The following KDM5C variants were observed in gnomAD, a reference collection of about 807,000 sequenced individuals.
KDM5C encodes the protein lysine-specific demethylase 5C.
A neutral mutation model predicts 110.6 loss-of-function variants in KDM5C; 16 were observed. The observed-to-expected ratio is 0.14, with a 90% CI of 0.10 to 0.22. The LOEUF (loss-of-function observed/expected upper bound fraction) is 0.22, where lower values mean the gene tolerates loss of function less well. Ranked by LOEUF, KDM5C falls within the 10% of genes least tolerant of loss-of-function variation. The probability of loss-of-function intolerance (pLI) is 1.00; values close to 1 mark genes in which losing one functional copy is unlikely to be tolerated. For missense variants in KDM5C, 681 were observed against 1,300.9 expected (o/e 0.52, Z 7.33); for synonymous variants, 511 against 520.4 (o/e 0.98, Z 0.24).
chrX:53,201,375 C>T (rs371299845), intron 14 of KDM5C, 175 bp downstream of exon 14: 11 of 481,836 alleles, frequency 2.3e-5, no homozygotes, highest in East Asian at 3.7e-5. Context: ...TGAAGTAAAT[C>T]GACTTAAGGT....
chrX:53,211,688 C>G (rs782530564), intron 9 of KDM5C, 33 bp from the exon 10 acceptor site: 13 of 1,210,424 alleles, frequency 1.1e-5, no homozygotes. Flanking sequence ...TGACTATGGC[C>G]CATCACACCC....
intron 1 of KDM5C, among the ~76,000 whole-genome samples, chrX:53,224,084 AAT>A (rs1556855824): frequency 8.9e-6 from 1 of 112,272 alleles, no homozygotes; most frequent in Non-Finnish European, 1.9e-5. Context: ...GGTATGAGTA[AAT>A]ATGAGTCAAC....
chrX:53,223,192 T>G (rs2073942190), intron 1 of KDM5C, among the ~76,000 whole-genome samples: 1 of 111,290 alleles, frequency 9.0e-6, no homozygotes, highest in Non-Finnish European at 1.9e-5. Flanking sequence ...AAAAAGGAAT[T>G]CAGGCCTCAA....
Position 53,220,864 on chromosome X carries a change from C to T in KDM5C, c.203G>A (p.Arg68Gln), listed in dbSNP as rs1569282235. 8.3e-7 allele frequency: 1 copy of T among 1,210,810 alleles called. No homozygotes were observed. ...VEVDNFRFTP[R>Q]IQRLNELEAQ... Reference sequence around the variant, plus strand: ...CTCTAGCTCATTCAGCCTCTGGATTCGGGGGGTAAACCTGAAGTTGTCCAC... The same window carrying T: ...CTCTAGCTCATTCAGCCTCTGGATTTGGGGGGTAAACCTGAAGTTGTCCAC... The change falls in exon 2 of 26, where the codon CGA becomes CAA. Residue 68 changes from arginine to glutamine, a missense_variant. Arg to Gln is a conservative substitution (Grantham distance 43). Transcript: ENST00000375401.
At chrX:53,182,920 A>C (rs1440114244) in intron 25 of KDM5C, among the ~76,000 whole-genome samples, 4 of 111,756 alleles carry the variant, frequency 3.6e-5, no homozygotes, top group African/African-American at 1.3e-4. Context: ...TGCCACATCC[A>C]AGGTCATGAA....
chrX:53,207,391 T>C lies in KDM5C; in HGVS notation c.1746+3023A>G, dbSNP rs1285120855. On this transcript the variant is annotated intron_variant, in intron 12 of 25. Transcript: ENST00000375401. Reference sequence around the variant, plus strand: ...AAAGCCAACATGCATTTTATACTTTTGGCACATTTCAGTGAGGACTAGCTA... The same window carrying C: ...AAAGCCAACATGCATTTTATACTTTCGGCACATTTCAGTGAGGACTAGCTA... Among the ~76,000 whole-genome samples the C allele has an allele frequency of 3.6e-5, 4 of 111,446 alleles. No individual in the cohort carries two copies. In the Admixed American group the frequency reaches 3.8e-4, roughly 11 times the overall value.
chrX:53,211,969 T>A, intron 8 of KDM5C, 63 bp from the exon 9 acceptor site: 1 of 1,177,143 alleles, frequency 8.5e-7, no homozygotes, highest in Non-Finnish European at 1.2e-6. Flanking sequence ...TCCTCCCAAG[T>A]GGAACTGGAA....
intron 12 of KDM5C, among the ~76,000 whole-genome samples, chrX:53,208,908 C>T (rs782493931): frequency 4.9e-5 from 5 of 103,041 alleles, no homozygotes; most frequent in South Asian, 4.5e-4. Context: ...CTCTGCCTCC[C>T]GGGTTCAAGC....
intron 12 of KDM5C, among the ~76,000 whole-genome samples, chrX:53,207,678 G>C (rs1556846301): frequency 8.9e-6 from 1 of 111,912 alleles, no homozygotes; most frequent in Non-Finnish European, 1.9e-5. Flanking sequence ...CCCGGGCGCG[G>C]TGGCTCACGC....
Position 53,194,128 on chromosome X carries a change from G to A in KDM5C, c.4038+11C>T. 1 of 1,191,412 alleles carries A rather than the reference G, an allele frequency of 8.4e-7. No homozygotes were observed. Among genetic ancestry groups the A allele is most frequent in the Non-Finnish European group, 1.1e-6 (1 of 884,885 alleles). On this transcript the variant is annotated intron_variant, in intron 23 of 25. Coordinates refer to ENST00000375401, the MANE Select transcript of KDM5C (RefSeq NM_004187.5). ...AGAATCTGAGGACAAGAGCTGGGCT[G>A]AGTAGCTCACCTTAGGCATATCCTT...
chrX:53,220,828 A>G lies in KDM5C; in HGVS notation c.228+11T>C, dbSNP rs2073875592. ...TCTCCCAACCCCACCACCAGCTCCT[A>G]GTCTTCTCACCTCTAGCTCATTCAG... On this transcript the variant is annotated intron_variant, in intron 2 of 25. Coordinates refer to ENST00000375401, the MANE Select transcript of KDM5C (RefSeq NM_004187.5). 1 of 1,197,176 alleles carries G rather than the reference A, an allele frequency of 8.4e-7. No homozygotes were observed. Among genetic ancestry groups the G allele is most frequent in the African/African-American group, 1.7e-5 (1 of 57,483 alleles).
At chrX:53,207,092 G>A (rs1289233982) in intron 12 of KDM5C, among the ~76,000 whole-genome samples, 2 of 95,432 alleles carry the variant, frequency 2.1e-5, no homozygotes, top group African/African-American at 7.7e-5. Context: ...CAGGAGAATC[G>A]CTTGAACCCG....
chrX:53,190,664 G>A (rs896494282), downstream of KDM5C, among the ~76,000 whole-genome samples: 2 of 111,492 alleles, frequency 1.8e-5, no homozygotes, highest in Admixed American at 9.5e-5. Context: ...GGTTGTCCAC[G>A]GACTCCTCTC....
At chrX:53,214,942 T>A in intron 7 of KDM5C, 95 bp from the exon 8 acceptor site, 1 of 976,934 alleles carries the variant, frequency 1.0e-6, no homozygotes, top group Non-Finnish European at 1.4e-6. Flanking sequence ...TCATGCTAGG[T>A]CTGGAGCTCA....
At position 53,194,397 on chromosome X, in the gene KDM5C, T is replaced by C. The variant is rs781916762; in HGVS notation, c.3780A>G (p.Ala1260=). Residue 1260 remains alanine (A), a synonymous_variant, in exon 23 of 26, where the codon GCA becomes GCG. Transcript: ENST00000375401. ...SRRPRLETIL[A]LLVALQRLPV... is the part of the protein sequence containing the mutation. ...GCAGTCTCTGCAGGGCTACCAGCAGTGCCAGGATGGTCTCCAGGCGCGGGC... is the reference window on the plus strand; with the variant it reads ...GCAGTCTCTGCAGGGCTACCAGCAGCGCCAGGATGGTCTCCAGGCGCGGGC... The C allele has an allele frequency of 2.1e-5, 25 of 1,211,038 alleles. No homozygotes were observed. The highest frequency in any genetic ancestry group is 3.5e-5 in the African/African-American group (2 of 57,715).
intron 2 of KDM5C, 63 bp downstream of exon 2, chrX:53,220,776 A>G: frequency 8.8e-6 from 8 of 911,605 alleles, no homozygotes; most frequent in Non-Finnish European, 1.3e-5. Flanking sequence ...ACTATAAGGG[A>G]AGTGGGATTA....
chrX:53,185,764 C>G (rs946297246), intron 25 of KDM5C, among the ~76,000 whole-genome samples: 1 of 111,530 alleles, frequency 9.0e-6, no homozygotes, highest in Non-Finnish European at 1.9e-5. Context: ...AAATAGGTAG[C>G]CTGATAAAGT....
chrX:53,218,589 T>C (rs1181526912), intron 2 of KDM5C, 191 bp from the exon 3 acceptor site: 1 of 525,174 alleles, frequency 1.9e-6, no homozygotes, highest in Non-Finnish European at 3.3e-6. Context: ...TTCGTTTTTG[T>C]TTTTTTGAGA....
chrX:53,179,440 A>C (rs782324104), intron 25 of KDM5C, among the ~76,000 whole-genome samples: 1 of 111,273 alleles, frequency 9.0e-6, no homozygotes, highest in East Asian at 2.8e-4. Context: ...AATAACTCTT[A>C]AAACTCAACA....
Sources: allele counts gnomAD v4.1 joint callset (sites outside exome capture counted in the v4.1 genomes callset), GRCh38; gene constraint gnomAD v4.1.1; transcripts MANE v1.5; gene names NCBI Gene and HGNC (gene_info 2026-07-23, HGNC 2026-07-21).